PDE11A: variants seen among roughly 807,000 people sequenced by gnomAD.
PDE11A encodes the protein phosphodiesterase 11A, also known as dual 3',5'-cyclic-AMP and -GMP phosphodiesterase 11A.
PDE11A carries 100 observed loss-of-function variants against 100.5 expected under a neutral mutation model. That is an observed-to-expected ratio of 1.00 (90% CI 0.85 to 1.18). The LOEUF is 1.18. Among genes scored for constraint, PDE11A ranks in the 50% most tolerant of loss-of-function variants. PDE11A has a pLI of 0.00. For synonymous variants in PDE11A, 381 were observed against 420.8 expected, an observed-to-expected ratio of 0.91 and a Z score of 1.16; for missense variants, 1,141 against 1,152.6, an observed-to-expected ratio of 0.99 and a Z score of 0.15.
intron 5 of PDE11A, among the ~76,000 whole-genome samples, chr2:177,860,136 A>G (rs764018558): frequency 1.1e-4 from 16 of 151,846 alleles, no homozygotes; most frequent in Non-Finnish European, 2.4e-4. Flanking sequence ...AACAAACTAG[A>G]GAACAGAAAA....
chr2:178,021,032 G>A (rs547772367), intron 1 of PDE11A, among the ~76,000 whole-genome samples: 6 of 148,716 alleles, frequency 4.0e-5, no homozygotes, highest in Non-Finnish European at 8.9e-5. Flanking sequence ...TGCAATCTCT[G>A]TTCACTGCAA....
intron 4 of PDE11A, among the ~76,000 whole-genome samples, chr2:177,895,553 C>CAA (rs1293338206): frequency 4.9e-5 from 4 of 82,454 alleles, no homozygotes; most frequent in African/African-American, 1.4e-4. Context: ...GACTCCACCT[C>CAA]AAAAAAAAAA....
chr2:178,057,232 G>A (rs2086910654), intron 1 of PDE11A, among the ~76,000 whole-genome samples: 1 of 152,212 alleles, frequency 6.6e-6, no homozygotes, highest in Non-Finnish European at 1.5e-5. Flanking sequence ...GGGTTAAGTA[G>A]TTTCTAGGGT....
At chr2:177,896,487 C>T (rs911857321) in intron 4 of PDE11A, among the ~76,000 whole-genome samples, 1 of 152,308 alleles carries the variant, frequency 6.6e-6, no homozygotes, top group East Asian at 1.9e-4. Context: ...CCCTCACCCC[C>T]AGCCACTTGC....
At chr2:177,656,639 C>G (rs2080388967) in intron 19 of PDE11A, among the ~76,000 whole-genome samples, 2 of 152,332 alleles carry the variant, frequency 1.3e-5, no homozygotes, top group Admixed American at 6.5e-5. Flanking sequence ...TAGCACTGTG[C>G]TAGGTGCCAG....
At chr2:177,917,018 C>T (rs1223954125) in intron 2 of PDE11A, among the ~76,000 whole-genome samples, 2 of 148,182 alleles carry the variant, frequency 1.3e-5, no homozygotes, top group African/African-American at 2.5e-5. Flanking sequence ...CTTCGTGATC[C>T]ACCCGCCTCA....
At chr2:178,024,280 T>C (rs1414789130) in intron 1 of PDE11A, among the ~76,000 whole-genome samples, 1 of 151,984 alleles carries the variant, frequency 6.6e-6, no homozygotes, top group Non-Finnish European at 1.5e-5. Context: ...GGCATAGTGG[T>C]GCACACCTGT....
rs189777447 is a variant in PDE11A, at chr2:177,961,202, A to T, written c.1071+53100T>A. Among the ~76,000 whole-genome samples, 323 of 152,050 alleles carry T rather than the reference A, an allele frequency of 2.1e-3. 3 individuals are homozygous for T. The highest frequency in any genetic ancestry group is 3.9e-3 in the Non-Finnish European group (262 of 67,986). ...CTTCCTCCCATCTTCTCCTACACAG[A>T]ACCTCTACTCCAAACTCTTTCTCTG... On this transcript the variant is annotated intron_variant, in intron 2 of 19. Coordinates refer to ENST00000286063, the MANE Select transcript of PDE11A (RefSeq NM_016953.4).
At chr2:178,067,738 C>T (rs989341319) in intron 1 of PDE11A, among the ~76,000 whole-genome samples, 1 of 152,114 alleles carries the variant, frequency 6.6e-6, no homozygotes, top group Non-Finnish European at 1.5e-5. Context: ...CTACTGTACA[C>T]CCTTGGAGAG....
chr2:178,105,769 G>T, intron 1 of PDE11A: 2 of 1,051,542 alleles, frequency 1.9e-6, no homozygotes, highest in Non-Finnish European at 2.5e-6. Flanking sequence ...CCCTGGGCCA[G>T]ATCACTTCCT....
At chr2:177,784,892 C>T (rs2082509387) in intron 9 of PDE11A, among the ~76,000 whole-genome samples, 1 of 152,198 alleles carries the variant, frequency 6.6e-6, no homozygotes, top group African/African-American at 2.4e-5. Context: ...TGAACTTGTT[C>T]TCTCCCTATT....
chr2:177,806,985 G>GA (rs1376198324), intron 9 of PDE11A, among the ~76,000 whole-genome samples: 1 of 151,792 alleles, frequency 6.6e-6, no homozygotes, highest in Non-Finnish European at 1.5e-5. Context: ...GAGAGAATAG[G>GA]AAAAAATAAG....
intron 2 of PDE11A, among the ~76,000 whole-genome samples, chr2:177,917,959 T>G (rs1026200039): frequency 5.3e-5 from 8 of 152,360 alleles, no homozygotes; most frequent in East Asian, 1.9e-4. Context: ...AATAGTACCC[T>G]AAAATGAATA....
At chr2:177,907,293 G>A (rs2084804675) in intron 2 of PDE11A, among the ~76,000 whole-genome samples, 1 of 151,938 alleles carries the variant, frequency 6.6e-6, no homozygotes, top group African/African-American at 2.4e-5. Flanking sequence ...CTAATCTTTG[G>A]TGATTCAAAT....
intron 5 of PDE11A, among the ~76,000 whole-genome samples, chr2:177,867,833 T>C (rs2084056726): frequency 6.6e-6 from 1 of 152,220 alleles, no homozygotes; most frequent in Non-Finnish European, 1.5e-5. Context: ...GCTAATACAG[T>C]CTCTTCCAAG....
At chr2:177,648,298 A>G (rs913352176) in intron 19 of PDE11A, among the ~76,000 whole-genome samples, 2 of 151,494 alleles carry the variant, frequency 1.3e-5, no homozygotes. Flanking sequence ...CTTTAACTAC[A>G]TTGCTAACTC....
chr2:177,786,049 C>T (rs560121502), intron 9 of PDE11A, among the ~76,000 whole-genome samples: 224 of 152,288 alleles, frequency 1.5e-3, no homozygotes, highest in Non-Finnish European at 2.5e-3. Context: ...TCTCCCAGCA[C>T]GCAGCTGGAG....
At chr2:177,637,389 A>T (rs1310568907) in intron 19 of PDE11A, among the ~76,000 whole-genome samples, 6 of 152,120 alleles carry the variant, frequency 3.9e-5, no homozygotes, top group Non-Finnish European at 7.3e-5. Flanking sequence ...TCTGGTATGG[A>T]ACCAGAACTC....
chr2:178,107,724 T>TC (rs1422442846), intron 1 of PDE11A, among the ~76,000 whole-genome samples: 1 of 145,426 alleles, frequency 6.9e-6, no homozygotes, highest in Non-Finnish European at 1.5e-5. Flanking sequence ...TTTTTTTCTT[T>TC]TTTTTTTTTT....
Sources: gnomAD v4.1 joint callset for allele counts (sites outside exome capture counted in the v4.1 genomes callset) on GRCh38, gnomAD v4.1.1 for gene constraint, MANE v1.5 for transcripts, NCBI Gene and HGNC (gene_info 2026-07-23, HGNC 2026-07-21) for gene names.